TSPAN7: variants seen among roughly 807,000 people sequenced by gnomAD.
TSPAN7 encodes the protein tetraspanin-7.
Under a neutral mutation model 17.6 loss-of-function variants are expected in TSPAN7, and 1 was observed. The ratio of observed to expected loss-of-function variants is 0.06; its 90% confidence interval spans 0.02 to 0.27. The LOEUF (loss-of-function observed/expected upper bound fraction) is 0.27. Among genes scored for constraint, TSPAN7 ranks in the 10% least tolerant of loss-of-function variants. The pLI, the probability that TSPAN7 is intolerant of heterozygous loss-of-function variation, is 1.00. For synonymous variants in TSPAN7, 78 were observed against 79.0 expected, an observed-to-expected ratio of 0.99 and a Z score of 0.07; for missense variants, 112 against 201.7, an observed-to-expected ratio of 0.56 and a Z score of 2.69.
chrX:38,577,595 A>T (rs1248289286), intron 1 of TSPAN7, among the ~76,000 whole-genome samples: 31 of 97,383 alleles, frequency 3.2e-4, no homozygotes, highest in African/African-American at 1.1e-3. Flanking sequence ...GCTCTCACTC[A>T]TAGGTGGGAA....
intron 1 of TSPAN7, among the ~76,000 whole-genome samples, chrX:38,578,615 G>C (rs895818103): frequency 9.0e-6 from 1 of 110,642 alleles, no homozygotes; most frequent in Non-Finnish European, 1.9e-5. Context: ...TGAGCACTTT[G>C]GGGGGCTTTT....
chrX:38,595,737 A>G (rs140626984), intron 1 of TSPAN7, among the ~76,000 whole-genome samples: 121 of 112,097 alleles, frequency 1.1e-3, no homozygotes, highest in African/African-American at 3.8e-3. Flanking sequence ...TTGAATTGTT[A>G]AATTTAAATT....
chrX:38,634,000 A>G (rs1236726287), intron 1 of TSPAN7, among the ~76,000 whole-genome samples: 1 of 112,160 alleles, frequency 8.9e-6, no homozygotes. Flanking sequence ...GAACTATTTC[A>G]TTCATATTAG....
rs549076766 is a variant in TSPAN7, at chrX:38,681,275, C to T, written c.669C>T (p.Ile223=). Reference sequence around the variant, plus strand: ...TCATCGCTGGAGTGGCGTTTGGAATCGCATTCTCCCAGGTAGCCTACATAA... The same window carrying T: ...TCATCGCTGGAGTGGCGTTTGGAATTGCATTCTCCCAGGTAGCCTACATAA... ...MGIIAGVAFG[I]AFSQLIGMLL... Residue 223 remains isoleucine, a synonymous_variant, in exon 6 of 8, where the codon ATC becomes ATT. Transcript: ENST00000378482. 6.6e-6 allele frequency: 8 copies of T among 1,204,913 alleles called. No individual in the cohort carries two copies. The African/African-American group carries it at 7.0e-5, about 11-fold the overall frequency.
At chrX:38,680,539 TTCTCTCTCTCTCTCTCTC>T (rs61619425) in intron 5 of TSPAN7, among the ~76,000 whole-genome samples, 13 of 75,609 alleles carry the variant, frequency 1.7e-4, no homozygotes, top group Middle Eastern at 6.7e-3. Flanking sequence ...TACTTACAAA[TTCTCTCTCTCTCTCTCTC>T]TCTCTCTCTC....
At chrX:38,629,605 A>C (rs2069539117) in intron 1 of TSPAN7, among the ~76,000 whole-genome samples, 1 of 111,638 alleles carries the variant, frequency 9.0e-6, no homozygotes, top group Non-Finnish European at 1.9e-5. Flanking sequence ...CCTCTTAGGA[A>C]AAAGGGACGG....
chrX:38,670,601 C>T (rs1435283419), intron 2 of TSPAN7, among the ~76,000 whole-genome samples: 2 of 112,497 alleles, frequency 1.8e-5, no homozygotes, highest in African/African-American at 6.5e-5. Context: ...CAGTGATGAC[C>T]ACCAATCTGA....
At chrX:38,666,005 T>C in intron 1 of TSPAN7, 116 bp from the exon 2 acceptor site, 1 of 659,609 alleles carries the variant, frequency 1.5e-6, no homozygotes, top group Non-Finnish European at 2.4e-6. Context: ...CAGGGAATCC[T>C]ACAGCAAGTA....
At chrX:38,619,066 A>G (rs1206773086) in intron 1 of TSPAN7, among the ~76,000 whole-genome samples, 1 of 111,535 alleles carries the variant, frequency 9.0e-6, no homozygotes, top group Non-Finnish European at 1.9e-5. Flanking sequence ...TCAAGTTACC[A>G]TGCACTGAAA....
intron 2 of TSPAN7, among the ~76,000 whole-genome samples, chrX:38,667,465 G>A (rs1300850041): frequency 2.7e-5 from 3 of 112,161 alleles, no homozygotes; most frequent in African/African-American, 9.7e-5. Context: ...GGGCCATGTT[G>A]CCTGTCCCTG....
At chrX:38,684,305 C>T (rs2069912350) in intron 6 of TSPAN7, among the ~76,000 whole-genome samples, 1 of 111,880 alleles carries the variant, frequency 8.9e-6, no homozygotes, top group Non-Finnish European at 1.9e-5. Context: ...GCATTAAACA[C>T]TTCTCTCTAC....
chrX:38,666,010 C>T, intron 1 of TSPAN7, 111 bp from the exon 2 acceptor site: 1 of 689,387 alleles, frequency 1.5e-6, no homozygotes, highest in Non-Finnish European at 2.3e-6. Flanking sequence ...AATCCTACAG[C>T]AAGTACCGTC....
intron 1 of TSPAN7, among the ~76,000 whole-genome samples, chrX:38,589,583 A>G (rs779677443): frequency 8.9e-6 from 1 of 112,247 alleles, no homozygotes; most frequent in Non-Finnish European, 1.9e-5. Context: ...GTGAATCACA[A>G]CACACTCTTG....
intron 1 of TSPAN7, among the ~76,000 whole-genome samples, chrX:38,609,033 G>A (rs1312280730): frequency 9.2e-6 from 1 of 108,886 alleles, no homozygotes; most frequent in Non-Finnish European, 1.9e-5. Context: ...TACTTCCTAA[G>A]GATAAATCCG....
intron 1 of TSPAN7, among the ~76,000 whole-genome samples, chrX:38,659,027 CA>C (rs1169601564): frequency 1.1e-4 from 10 of 92,673 alleles, no homozygotes; most frequent in African/African-American, 4.0e-4. Flanking sequence ...CACACACACA[CA>C]CACACACACA....
chrX:38,618,405 A>G (rs1170052046), intron 1 of TSPAN7, among the ~76,000 whole-genome samples: 1 of 111,749 alleles, frequency 8.9e-6, no homozygotes, highest in African/African-American at 3.3e-5. Flanking sequence ...CTCTGTGCGA[A>G]TAAGCAAAGG....
chrX:38,581,054 C>T (rs2069224697), intron 1 of TSPAN7, among the ~76,000 whole-genome samples: 1 of 112,281 alleles, frequency 8.9e-6, no homozygotes, highest in Non-Finnish European at 1.9e-5. Flanking sequence ...CCACATGGCT[C>T]CTTTGTAGAA....
In TSPAN7 at chrX:38,675,121, T is replaced by C. The variant is rs759188808; in HGVS notation, c.442-584T>C. ...GATCAAATAGTAAATATTTTAGGCT[T>C]TGAGGGCCATAAACTCTGTCACAAC... On this transcript the variant is annotated intron_variant, in intron 4 of 7. Transcript: ENST00000378482. Among the ~76,000 whole-genome samples, 138 of 111,902 alleles carry C rather than the reference T, an allele frequency of 1.2e-3. No homozygotes were observed. In the Middle Eastern group the frequency reaches 0.014, roughly 11 times the overall value.
intron 1 of TSPAN7, among the ~76,000 whole-genome samples, chrX:38,651,603 AG>A (rs902766399): frequency 3.6e-5 from 4 of 112,305 alleles, no homozygotes; most frequent in Non-Finnish European, 7.5e-5. Context: ...AAAGGCAGGT[AG>A]GACCTGGCTG....
Sources: gnomAD v4.1 joint callset for allele counts (sites outside exome capture counted in the v4.1 genomes callset) on GRCh38, gnomAD v4.1.1 for gene constraint, MANE v1.5 for transcripts, NCBI Gene and HGNC (gene_info 2026-07-23, HGNC 2026-07-21) for gene names.